The following GTF2A1 variants were observed in gnomAD, a reference collection of about 807,000 sequenced individuals.
GTF2A1 encodes general transcription factor IIA subunit 1, also known as transcription initiation factor IIA subunit 1.
In GTF2A1, 12 loss-of-function variants were observed where a neutral mutation model predicts 54.1. That is an observed-to-expected ratio of 0.22 (90% CI 0.14 to 0.36). GTF2A1 has a LOEUF of 0.36. Ranked by LOEUF, GTF2A1 falls within the 10% of genes least tolerant of loss-of-function variation. GTF2A1 has a pLI of 1.00. For synonymous variants in GTF2A1, 145 were observed against 152.0 expected, an observed-to-expected ratio of 0.95 and a Z score of 0.34; for missense variants, 335 against 442.2, an observed-to-expected ratio of 0.76 and a Z score of 2.17.
chr14:81,195,041 G>A (rs1368634981), intron 6 of GTF2A1, among the ~76,000 whole-genome samples: 1 of 151,566 alleles, frequency 6.6e-6, no homozygotes, highest in Non-Finnish European at 1.5e-5. Context: ...TCAGGAGGCT[G>A]AGGCAGGAGA....
chr14:81,204,506 A>AAAT (rs1893187545), intron 2 of GTF2A1, among the ~76,000 whole-genome samples: 1 of 152,190 alleles, frequency 6.6e-6, no homozygotes, highest in Non-Finnish European at 1.5e-5. Flanking sequence ...AGAAAATACA[A>AAAT]AATTTTCTGC....
Position 81,220,577 on chromosome 14 carries a change from C to CAAA in GTF2A1, c.-60_-59insTTT. 7.4e-7 allele frequency: 1 copy of CAAA among 1,350,070 alleles called. No individual in the cohort carries two copies. 83.6% of individuals were successfully genotyped at this position (1,350,070 alleles called of 1,614,324 possible). On this transcript the variant is annotated 5_prime_UTR_variant, in exon 1 of 9. Coordinates refer to ENST00000553612, the MANE Select transcript of GTF2A1 (RefSeq NM_015859.4). Reference sequence around the variant, plus strand: ...CCAAGAAAACAAGATAAAAACAAAACCAAAAAAAAAAAAACTATAACACCC... The same window carrying CAAA: ...CCAAGAAAACAAGATAAAAACAAAACAAACAAAAAAAAAAAAACTATAACACCC...
intron 7 of GTF2A1, among the ~76,000 whole-genome samples, chr14:81,191,780 C>T (rs976197749): frequency 1.3e-5 from 2 of 152,052 alleles, no homozygotes; most frequent in African/African-American, 4.8e-5. Flanking sequence ...TGATTTTTAT[C>T]TTGAAACATT....
chr14:81,198,496 C>T (rs752594744), intron 4 of GTF2A1, among the ~76,000 whole-genome samples: 5 of 152,154 alleles, frequency 3.3e-5, no homozygotes, highest in East Asian at 1.9e-4. Flanking sequence ...AAGATATAGA[C>T]GGGATTATAT....
Position 81,204,024 on chromosome 14 carries a change from T to G in GTF2A1, c.213A>C (p.Gln71His), listed in dbSNP as rs746616919. 6.2e-7 allele frequency: 1 copy of G among 1,613,816 alleles called. No individual in the cohort carries two copies. Among genetic ancestry groups the G allele is most frequent in the South Asian group, 1.1e-5 (1 of 91,082 alleles). Residue 71 changes from glutamine (Q) to histidine (H), a missense_variant, in exon 3 of 9, where the codon CAA becomes CAC. Gln to His is a conservative substitution (Grantham distance 24). Transcript: ENST00000553612. The stretch of plus-strand genomic sequence containing the variant: ...GCTGCTGCTGGGGTTGATGCTGCTG[T>G]TGAACTTGCAGTAGAAGCTGCTGCT... ...SEEQQLLLQVQQQHQPQQQQH... is the reference protein window; with the variant it reads ...SEEQQLLLQVHQQHQPQQQQH...
intron 6 of GTF2A1, among the ~76,000 whole-genome samples, chr14:81,194,774 A>C (rs890126174): frequency 6.6e-6 from 1 of 152,234 alleles, no homozygotes; most frequent in Non-Finnish European, 1.5e-5. Context: ...ATCCACAAAA[A>C]GATTTTATAA....
At chr14:81,183,118 A>C (rs1457524844) in intron 8 of GTF2A1, among the ~76,000 whole-genome samples, 1 of 152,180 alleles carries the variant, frequency 6.6e-6, no homozygotes, top group African/African-American at 2.4e-5. Context: ...ATCTCCCCTG[A>C]TTGGAGTAAG....
At chr14:81,202,595 C>G (rs1305986736) in intron 3 of GTF2A1, 12 of 496,106 alleles carry the variant, frequency 2.4e-5, no homozygotes, top group Non-Finnish European at 4.4e-5. Flanking sequence ...CTCCTGAAAG[C>G]AGGGGACCAC....
intron 7 of GTF2A1, among the ~76,000 whole-genome samples, chr14:81,188,607 TA>T (rs931722519): frequency 9.2e-4 from 133 of 144,370 alleles, no homozygotes; most frequent in South Asian, 3.9e-3. Flanking sequence ...CCGTCTCTAC[TA>T]AAAAAAAAAA....
intron 8 of GTF2A1, among the ~76,000 whole-genome samples, chr14:81,182,338 A>G (rs1215823705): frequency 6.6e-6 from 1 of 152,244 alleles, no homozygotes. Context: ...TCTAACGGAC[A>G]TACCAGACTT....
Position 81,216,456 on chromosome 14 carries a change from A to G in GTF2A1, c.89T>C (p.Leu30Pro). The G allele has an allele frequency of 6.5e-7, 1 of 1,544,646 alleles. No individual in the cohort carries two copies. Among genetic ancestry groups the G allele is most frequent in the Non-Finnish European group, 9.0e-7 (1 of 1,117,056 alleles). The change falls in exon 2 of 9, where the codon CTG becomes CCG. Residue 30 changes from leucine (L) to proline (P), a missense_variant. Physicochemically the swap from Leu to Pro is moderately conservative, Grantham distance 98. Coordinates refer to ENST00000553612, the MANE Select transcript of GTF2A1 (RefSeq NM_015859.4). ...TACTTGTTCATCCACTCCATCATCC[A>G]GAAAGATGTCTCTCACATCATTAAT... ...DVINDVRDIF[L>P]DDGVDEQVLM...
intron 8 of GTF2A1, among the ~76,000 whole-genome samples, chr14:81,181,942 T>C (rs1892648336): frequency 6.6e-6 from 1 of 152,224 alleles, no homozygotes; most frequent in African/African-American, 2.4e-5. Flanking sequence ...GGTTGTGCAG[T>C]GTCTGCTTAA....
rs561502353 is a variant in GTF2A1 at position 81,220,839 on chromosome 14, C to G, written c.-321G>C. 2 of 297,266 alleles carry G rather than the reference C, an allele frequency of 6.7e-6. No individual in the cohort carries two copies. Among genetic ancestry groups the G allele is most frequent in the African/African-American group, 4.3e-5 (2 of 46,040 alleles). The allele number at this position is 297,266 out of a possible 1,614,324, so 18.4% of individuals were successfully genotyped here. On this transcript the variant is annotated 5_prime_UTR_variant, in exon 1 of 9. Coordinates refer to ENST00000553612, the MANE Select transcript of GTF2A1 (RefSeq NM_015859.4). ...AACCACCACCGGTCACCGCTCCCTGCGCCGCCGCTGCCGCCACCGGCTGCA... is the reference window on the plus strand; with the variant it reads ...AACCACCACCGGTCACCGCTCCCTGGGCCGCCGCTGCCGCCACCGGCTGCA...
chr14:81,188,664 C>T (rs1892801619), intron 7 of GTF2A1, among the ~76,000 whole-genome samples: 1 of 151,564 alleles, frequency 6.6e-6, no homozygotes, highest in Non-Finnish European at 1.5e-5. Context: ...GTAGTCCCAG[C>T]TACTTGGGAG....
chr14:81,203,171 G>A (rs1595222066), intron 3 of GTF2A1, among the ~76,000 whole-genome samples: 2 of 152,308 alleles, frequency 1.3e-5, no homozygotes, highest in East Asian at 1.9e-4. Flanking sequence ...TTCCTCAGCT[G>A]TAAAACTGAG....
intron 2 of GTF2A1, among the ~76,000 whole-genome samples, chr14:81,205,528 T>C (rs1484219088): frequency 6.6e-6 from 1 of 152,220 alleles, no homozygotes; most frequent in African/African-American, 2.4e-5. Flanking sequence ...CAATTATCAG[T>C]GTTACATAAA....
intron 7 of GTF2A1, among the ~76,000 whole-genome samples, chr14:81,186,216 A>G (rs1892741990): frequency 6.6e-6 from 1 of 152,254 alleles, no homozygotes; most frequent in Admixed American, 6.5e-5. Context: ...TAACTGTTTA[A>G]GATGCCTAGA....
chr14:81,197,397 A>C lies in GTF2A1; in HGVS notation c.478+12T>G, dbSNP rs772924326. 4.8e-5 allele frequency: 67 copies of C among 1,400,026 alleles called. 1 individual carries two copies. In the South Asian group the frequency reaches 7.7e-4, roughly 16 times the overall value. 86.7% of individuals were successfully genotyped at this position (1,400,026 alleles called of 1,614,324 possible). A position where few individuals can be genotyped will look rare whatever the true frequency, so the allele number is the denominator to read the frequency against. ...AATTACATTTTAAAATGGTTCCATC[A>C]TTCCTAATTACCTGAATTTGTTAAT... On this transcript the variant is annotated intron_variant, in intron 5 of 8. Coordinates refer to ENST00000553612, the MANE Select transcript of GTF2A1 (RefSeq NM_015859.4).
chr14:81,213,183 CGTG>C (rs764905285), intron 2 of GTF2A1, among the ~76,000 whole-genome samples: 17 of 152,126 alleles, frequency 1.1e-4, no homozygotes, highest in African/African-American at 3.9e-4. Context: ...GCCCAGACAT[CGTG>C]GTAGAAGCTG....
Sources: allele counts gnomAD v4.1 joint callset (sites outside exome capture counted in the v4.1 genomes callset), GRCh38; gene constraint gnomAD v4.1.1; transcripts MANE v1.5; gene names NCBI Gene and HGNC (gene_info 2026-07-23, HGNC 2026-07-21).